The following MED12L variants were observed in gnomAD, a reference collection of about 807,000 sequenced individuals.
MED12L encodes mediator complex subunit 12L.
A neutral mutation model predicts 281.3 loss-of-function variants in MED12L; 60 were observed. That is an observed-to-expected ratio of 0.21 (90% CI 0.17 to 0.26). The LOEUF (loss-of-function observed/expected upper bound fraction) is 0.26. MED12L is among the 10% of genes least tolerant of loss of function. MED12L has a pLI of 1.00. For synonymous variants in MED12L, 974 were observed against 987.2 expected (o/e 0.99, Z 0.25); for missense variants, 2,146 against 2,680.9 (o/e 0.80, Z 4.41).
chr3:151,127,979 A>G lies in MED12L; in HGVS notation c.551A>G (p.Asn184Ser), dbSNP rs1714778773. 6.2e-7 allele frequency: 1 copy of G among 1,611,208 alleles called. No individual in the cohort carries two copies. The highest frequency in any genetic ancestry group is 1.1e-5 in the South Asian group (1 of 90,348). Residue 184 changes from asparagine (N) to serine (S), a missense_variant, in exon 5 of 45, where the codon AAT (asparagine) becomes AGT (serine). Coordinates refer to ENST00000687756, the MANE Select transcript of MED12L (RefSeq NM_001393769.1). ...AAGAAACGTCAGGCTCCTGATCCGAATTTGGGTAAGTGAGAGAATACAATA... is the reference window on the plus strand; with the variant it reads ...AAGAAACGTCAGGCTCCTGATCCGAGTTTGGGTAAGTGAGAGAATACAATA... ...KIKKRQAPDP[N>S]LEWTQISTRY...
chr3:151,211,136 G>A (rs1727095108), intron 16 of MED12L, among the ~76,000 whole-genome samples: 1 of 152,200 alleles, frequency 6.6e-6, no homozygotes, highest in South Asian at 2.1e-4. Flanking sequence ...CTATTACTCA[G>A]CTGTTGCTTC....
chr3:151,388,798 CT>C (rs1436170465), intron 37 of MED12L, among the ~76,000 whole-genome samples: 1 of 152,128 alleles, frequency 6.6e-6, no homozygotes, highest in Non-Finnish European at 1.5e-5. Context: ...CAACAGAAAT[CT>C]ATTTGATGGT....
chr3:151,265,886 G>C (rs970438555), intron 16 of MED12L, among the ~76,000 whole-genome samples: 4 of 152,186 alleles, frequency 2.6e-5, no homozygotes, highest in African/African-American at 9.7e-5. Context: ...TCATGGAAAG[G>C]CTTGGAGCAG....
chr3:151,151,678 T>C (rs1313930790), intron 5 of MED12L, among the ~76,000 whole-genome samples: 1 of 151,942 alleles, frequency 6.6e-6, no homozygotes, highest in Non-Finnish European at 1.5e-5. Flanking sequence ...TTGGCTGTCT[T>C]ATATGGGAAT....
chr3:151,217,667 C>G (rs149130284), intron 16 of MED12L, among the ~76,000 whole-genome samples: 65 of 152,300 alleles, frequency 4.3e-4, no homozygotes, highest in African/African-American at 1.5e-3. Flanking sequence ...TGGTTTGATA[C>G]AGCAGAGGCT....
Position 151,382,639 on chromosome 3 carries a change from T to A in MED12L, c.4591-17T>A. The A allele has an allele frequency of 6.3e-7, 1 of 1,596,040 alleles. No individual in the cohort carries two copies. The highest frequency in any genetic ancestry group is 1.1e-5 in the South Asian group (1 of 87,828). On this transcript the variant is annotated splice_polypyrimidine_tract_variant and intron_variant, in intron 32 of 44. Transcript: ENST00000687756. ...GAAAAATTAAACTTTAATGGGGAGT[T>A]TTTTTCCGGATCTTAGATTTTAAGT...
intron 3 of MED12L, among the ~76,000 whole-genome samples, chr3:151,117,665 T>G (rs1232409337): frequency 6.6e-6 from 1 of 152,062 alleles, no homozygotes; most frequent in Non-Finnish European, 1.5e-5. Flanking sequence ...ACAAAACCAC[T>G]GAATAAATGT....
intron 16 of MED12L, among the ~76,000 whole-genome samples, chr3:151,202,027 T>C (rs1418667283): frequency 6.6e-6 from 1 of 152,218 alleles, no homozygotes; most frequent in East Asian, 1.9e-4. Context: ...GAACTGACGA[T>C]ATATACCGTA....
At chr3:151,215,856 G>T (rs547586300) in intron 16 of MED12L, among the ~76,000 whole-genome samples, 5 of 152,244 alleles carry the variant, frequency 3.3e-5, no homozygotes, top group Admixed American at 1.3e-4. Context: ...GGGCCCATCT[G>T]CCTCCTTTTA....
intron 16 of MED12L, among the ~76,000 whole-genome samples, chr3:151,275,827 G>A (rs1256863317): frequency 6.6e-6 from 1 of 152,110 alleles, no homozygotes; most frequent in East Asian, 1.9e-4. Flanking sequence ...CATTAAGATA[G>A]GATATTTTTA....
intron 5 of MED12L, among the ~76,000 whole-genome samples, chr3:151,148,903 G>T (rs1400351986): frequency 6.6e-6 from 1 of 152,202 alleles, no homozygotes; most frequent in Non-Finnish European, 1.5e-5. Flanking sequence ...CCCATTTATA[G>T]CCATTGATTA....
chr3:151,411,543 C>A (rs952743884), intron 41 of MED12L, 36 bp downstream of exon 41: 11 of 1,568,310 alleles, frequency 7.0e-6, no homozygotes, highest in Non-Finnish European at 9.7e-6. Context: ...CAATAATGAA[C>A]AGTCACATTC....
At chr3:151,119,748 C>T (rs62284834) in intron 3 of MED12L, among the ~76,000 whole-genome samples, 3,895 of 152,178 alleles carry the variant, frequency 0.026, 69 homozygotes, top group Non-Finnish European at 0.037. Flanking sequence ...ATTACACTTC[C>T]GCTACCACTC....
At chr3:151,387,137 A>G (rs971746718) in intron 36 of MED12L, among the ~76,000 whole-genome samples, 1 of 152,234 alleles carries the variant, frequency 6.6e-6, no homozygotes, top group Non-Finnish European at 1.5e-5. Flanking sequence ...TTTTAAATTG[A>G]CATTTTAAGG....
chr3:151,413,382 T>C (rs544598395), intron 42 of MED12L, 87 bp downstream of exon 42: 30 of 1,440,922 alleles, frequency 2.1e-5, no homozygotes, highest in Admixed American at 6.3e-5. Context: ...AACACTATAG[T>C]TGTCAATTGC....
chr3:151,359,472 C>G (rs1352886), intron 20 of MED12L, among the ~76,000 whole-genome samples: 1 of 151,862 alleles, frequency 6.6e-6, no homozygotes, highest in African/African-American at 2.4e-5. Flanking sequence ...ACCTATGGTA[C>G]CTGTGATTCC....
At chr3:151,354,732 A>T (rs1410913171) in intron 17 of MED12L, among the ~76,000 whole-genome samples, 1 of 152,230 alleles carries the variant, frequency 6.6e-6, no homozygotes, top group Non-Finnish European at 1.5e-5. Context: ...GAGAATTATT[A>T]GTTTTTAGAA....
chr3:151,275,302 A>G (rs1395774621), intron 16 of MED12L, among the ~76,000 whole-genome samples: 1 of 151,998 alleles, frequency 6.6e-6, no homozygotes, highest in African/African-American at 2.4e-5. Context: ...TTTCTTTGGT[A>G]TCTTAACCTC....
At chr3:151,382,467 G>T (rs374195229) in intron 32 of MED12L, among the ~76,000 whole-genome samples, 189 bp from the exon 33 acceptor site, 2 of 151,936 alleles carry the variant, frequency 1.3e-5, no homozygotes, top group East Asian at 3.9e-4. Flanking sequence ...CACCTAGAAC[G>T]GCAAATGCAC....
Sources: gnomAD v4.1 joint callset for allele counts (sites outside exome capture counted in the v4.1 genomes callset) on GRCh38, gnomAD v4.1.1 for gene constraint, MANE v1.5 for transcripts, NCBI Gene and HGNC (gene_info 2026-07-23, HGNC 2026-07-21) for gene names.